Variants in ANK3 observed in about 807,000 individuals in gnomAD.
The protein encoded by ANK3 is ankyrin 3.
ANK3 carries 57 observed loss-of-function variants against 370.9 expected under a neutral mutation model. That is an observed-to-expected ratio of 0.15 (90% CI 0.12 to 0.19). The LOEUF (loss-of-function observed/expected upper bound fraction) is 0.19. Among genes scored for constraint, ANK3 ranks in the 10% least tolerant of loss-of-function variants. The pLI, the probability that ANK3 is intolerant of heterozygous loss-of-function variation, is 1.00. For missense variants in ANK3, 4,439 were observed against 5,302.1 expected, an observed-to-expected ratio of 0.84 and a Z score of 5.06; for synonymous variants, 1,929 against 1,946.3, an observed-to-expected ratio of 0.99 and a Z score of 0.23.
intron 1 of ANK3, among the ~76,000 whole-genome samples, chr10:60,646,838 T>C (rs1309284559): frequency 6.6e-6 from 1 of 152,174 alleles, no homozygotes; most frequent in Non-Finnish European, 1.5e-5. Context: ...ACAAGGAATA[T>C]GAGCCCTGAA....
chr10:60,594,640 A>G (rs2077962149), intron 2 of ANK3, among the ~76,000 whole-genome samples: 1 of 152,190 alleles, frequency 6.6e-6, no homozygotes, highest in African/African-American at 2.4e-5. Context: ...TGAAAAAAAT[A>G]TATATAAGAA....
Position 60,705,328 on chromosome 10 carries a change from G to T in ANK3, c.57+27935C>A, listed in dbSNP as rs1190967503. ...GACTTAAATAAATAAAGGTGATGAT[G>T]ATAATAATAACAAACACTTCACCTA... On this transcript the variant is annotated intron_variant, in intron 1 of 43. Coordinates refer to the ANK3 transcript ENST00000373827. Among the ~76,000 whole-genome samples, 4 of 137,760 alleles carry T rather than the reference G, an allele frequency of 2.9e-5. No individual in the cohort carries two copies. In the East Asian group the frequency reaches 9.2e-4, roughly 32 times the overall value. 90.4% of individuals were successfully genotyped at this position (137,760 alleles called of 152,430 possible).
At chr10:60,310,150 C>T (rs1034677868) in intron 1 of ANK3, among the ~76,000 whole-genome samples, 14 of 152,012 alleles carry the variant, frequency 9.2e-5, no homozygotes, top group African/African-American at 2.9e-4. Context: ...GTCTCAAACT[C>T]CTGATCTCAA....
chr10:60,548,195 T>G (rs1180666146), intron 2 of ANK3, among the ~76,000 whole-genome samples: 1 of 149,108 alleles, frequency 6.7e-6, no homozygotes, highest in Admixed American at 6.9e-5. Flanking sequence ...AAACCCATTT[T>G]TAAATATTTC....
At chr10:60,081,551 T>C in intron 35 of ANK3, 3 of 435,744 alleles carry the variant, frequency 6.9e-6, no homozygotes, top group Non-Finnish European at 1.4e-5. Context: ...TAAATTTCTT[T>C]AGTGAGAGTA....
intron 1 of ANK3, among the ~76,000 whole-genome samples, chr10:60,628,421 T>A (rs1174601281): frequency 2.6e-5 from 4 of 152,196 alleles, no homozygotes; most frequent in Non-Finnish European, 5.9e-5. Context: ...TTTACTTTTA[T>A]CTTTTTCTCT....
At chr10:60,692,316 A>C (rs2079366477) in intron 1 of ANK3, among the ~76,000 whole-genome samples, 1 of 152,188 alleles carries the variant, frequency 6.6e-6, no homozygotes, top group South Asian at 2.1e-4. Flanking sequence ...GTTAGACAAG[A>C]CCAACGTAGC....
Position 60,074,065 on chromosome 10 carries a change from T to C in ANK3, c.6816A>G (p.Ser2272=), listed in dbSNP as rs779355951. Residue 2272 remains serine, a synonymous_variant, in exon 37 of 44, where the codon TCA becomes TCG. Coordinates refer to ENST00000280772, the MANE Select transcript of ANK3 (RefSeq NM_020987.5). The part of the protein sequence containing the change: ...GASERIEETM[S]VHDIMKAFQS... Reference sequence around the variant, plus strand: ...GAAAGGCCTTCATGATGTCATGGACTGACATGGTTTCTTCAATTCTTTCAG... The same window carrying C: ...GAAAGGCCTTCATGATGTCATGGACCGACATGGTTTCTTCAATTCTTTCAG... 5.0e-6 allele frequency: 8 copies of C among 1,614,132 alleles called. No individual in the cohort carries two copies. The South Asian group carries it at 8.8e-5, about 18-fold the overall frequency.
rs181893292 is a variant in ANK3, at chr10:60,623,326, G to A, written c.58-8102C>T. ...ATGTACAAAGAAAGGGATCCAAAAA[G>A]GAATCAAATAAATCTATTTTAAGCA... On this transcript the variant is annotated intron_variant, in intron 1 of 43. Coordinates refer to the ANK3 transcript ENST00000373827. Among the ~76,000 whole-genome samples, 15 of 152,216 alleles carry A rather than the reference G, an allele frequency of 9.9e-5. No homozygotes were observed. In the East Asian group the frequency reaches 2.3e-3, roughly 23 times the overall value.
intron 5 of ANK3, 102 bp from the exon 6 acceptor site, chr10:60,264,122 G>A: frequency 1.0e-6 from 1 of 1,003,804 alleles, no homozygotes; most frequent in South Asian, 1.9e-5. Context: ...ATCAATTTTT[G>A]TTTGGGATTA....
chr10:60,158,185 T>C (rs996374224), intron 23 of ANK3, among the ~76,000 whole-genome samples: 2 of 152,004 alleles, frequency 1.3e-5, no homozygotes, highest in Non-Finnish European at 2.9e-5. Context: ...AGCTGAGAGA[T>C]TTCATGAAAA....
At chr10:60,367,021 A>G (rs1011674212) in intron 1 of ANK3, among the ~76,000 whole-genome samples, 1 of 152,222 alleles carries the variant, frequency 6.6e-6, no homozygotes, top group African/African-American at 2.4e-5. Flanking sequence ...GAGAATATAT[A>G]TCCTCCTTTC....
chr10:60,615,090 G>A (rs2078250274), intron 2 of ANK3: 1 of 785,990 alleles, frequency 1.3e-6, no homozygotes, highest in African/African-American at 1.8e-5. Flanking sequence ...ACCATCTCCT[G>A]TAAATAATTC....
intron 1 of ANK3, among the ~76,000 whole-genome samples, chr10:60,681,177 T>C (rs998329586): frequency 6.6e-6 from 1 of 152,172 alleles, no homozygotes; most frequent in Non-Finnish European, 1.5e-5. Flanking sequence ...CTGTTGAAGT[T>C]TGGTCTCTCA....
Position 60,634,809 on chromosome 10 carries a change from C to T in ANK3, c.58-19585G>A, listed in dbSNP as rs113085529. 9.7e-4 allele frequency among the ~76,000 whole-genome samples: 147 copies of T among 152,154 alleles called. 1 individual carries two copies. The highest frequency in any genetic ancestry group is 6.8e-3 in the Middle Eastern group (2 of 294). On this transcript the variant is annotated intron_variant, in intron 1 of 43. Transcript: ENST00000373827. Reference sequence around the variant, plus strand: ...CGAACCCACCGGGAGAAACAAACAACTCCGGACGCGCCACCTTTATGAGCT... The same window carrying T: ...CGAACCCACCGGGAGAAACAAACAATTCCGGACGCGCCACCTTTATGAGCT...
chr10:60,141,748 G>A (rs1368770091), intron 23 of ANK3, among the ~76,000 whole-genome samples: 5 of 151,876 alleles, frequency 3.3e-5, no homozygotes, highest in Admixed American at 1.3e-4. Context: ...CTGTAGAACC[G>A]ATAAAGTAGG....
chr10:60,568,790 G>A (rs567565007), intron 2 of ANK3, among the ~76,000 whole-genome samples: 1 of 152,172 alleles, frequency 6.6e-6, no homozygotes, highest in East Asian at 1.9e-4. Flanking sequence ...GTATGTGTAT[G>A]TTAAGGTTAA....
At chr10:60,094,147 G>A (rs1053915855) in intron 28 of ANK3, among the ~76,000 whole-genome samples, 1 of 150,570 alleles carries the variant, frequency 6.6e-6, no homozygotes, top group African/African-American at 2.4e-5. Context: ...AGATTTCCAG[G>A]TGTCTACATG....
At chr10:60,207,407 G>T (rs1025686585) in intron 10 of ANK3, among the ~76,000 whole-genome samples, 5 of 152,080 alleles carry the variant, frequency 3.3e-5, no homozygotes, top group African/African-American at 1.2e-4. Flanking sequence ...CTAAACTTGG[G>T]TACTTATTCT....
Sources: gnomAD v4.1 joint callset for allele counts (sites outside exome capture counted in the v4.1 genomes callset) on GRCh38, gnomAD v4.1.1 for gene constraint, MANE v1.5 for transcripts, NCBI Gene and HGNC (gene_info 2026-07-23, HGNC 2026-07-21) for gene names.